FER: variants seen among roughly 807,000 people sequenced by gnomAD.
FER encodes FER tyrosine kinase.
In FER, 63 loss-of-function variants were observed where a neutral mutation model predicts 111.0. The ratio of observed to expected loss-of-function variants is 0.57; its 90% CI spans 0.46 to 0.70. The LOEUF (loss-of-function observed/expected upper bound fraction) is 0.70. FER is among the 30% of genes least tolerant of loss of function. The pLI is 0.00. For synonymous variants in FER, 327 were observed against 313.9 expected (o/e 1.04, Z -0.44); for missense variants, 914 against 954.0 (o/e 0.96, Z 0.55).
intron 16 of FER, among the ~76,000 whole-genome samples, chr5:109,083,745 A>G (rs1777249146): frequency 6.6e-6 from 1 of 152,016 alleles, no homozygotes; most frequent in Non-Finnish European, 1.5e-5. Context: ...CTGAAAGATG[A>G]AATAATGCCT....
chr5:108,842,410 A>G (rs1423812812), intron 5 of FER: 1 of 152,244 alleles, frequency 6.6e-6, no homozygotes, highest in Admixed American at 6.5e-5. Context: ...CTGGGACCTA[A>G]TTAAACTAAA....
intron 13 of FER, among the ~76,000 whole-genome samples, chr5:109,027,894 T>C (rs750302820): frequency 1.3e-5 from 2 of 152,250 alleles, no homozygotes; most frequent in Non-Finnish European, 2.9e-5. Flanking sequence ...GTTATTTTTA[T>C]AGCTTTTGCT....
rs766391437 is a variant in FER, at chr5:109,192,718, G to A, written c.*5143G>A. On this transcript the variant is annotated 3_prime_UTR_variant, in exon 20 of 20. Transcript: ENST00000281092. ...CCTAAATGGGACTACACTTAGATCC[G>A]CCCTATTTCACCTTTGGACTAACGT... The A allele has an allele frequency of 2.0e-5, 3 of 152,054 alleles. No homozygotes were observed. Among genetic ancestry groups the A allele is most frequent in the African/African-American group, 7.2e-5 (3 of 41,394 alleles). The allele number at this position is 152,054 out of a possible 1,614,324, so 9.4% of individuals were successfully genotyped here.
intron 16 of FER, among the ~76,000 whole-genome samples, chr5:109,093,696 A>T (rs533893103): frequency 6.6e-6 from 1 of 152,196 alleles, no homozygotes; most frequent in South Asian, 2.1e-4. Flanking sequence ...GTATTTGTGG[A>T]TGTCATTTTA....
intron 10 of FER, among the ~76,000 whole-genome samples, chr5:108,931,782 A>T (rs959537419): frequency 1.2e-4 from 18 of 152,076 alleles, no homozygotes; most frequent in African/African-American, 4.3e-4. Flanking sequence ...GTGAGCCAAG[A>T]ATGCACCATT....
At chr5:108,889,778 A>G (rs1229203903) in intron 9 of FER, among the ~76,000 whole-genome samples, 1 of 151,996 alleles carries the variant, frequency 6.6e-6, no homozygotes, top group Non-Finnish European at 1.5e-5. Context: ...CATGTACTTC[A>G]TAAATATATA....
intron 13 of FER, among the ~76,000 whole-genome samples, chr5:108,971,463 G>T (rs932488637): frequency 6.6e-6 from 1 of 152,112 alleles, no homozygotes. Context: ...AAAGGAGTTA[G>T]CTAATTTCAT....
chr5:109,035,567 T>C (rs1010823961), intron 13 of FER, among the ~76,000 whole-genome samples: 17 of 152,208 alleles, frequency 1.1e-4, no homozygotes, highest in African/African-American at 3.4e-4. Context: ...TTCTAGTTTT[T>C]GGCTATTACA....
intron 18 of FER, among the ~76,000 whole-genome samples, chr5:109,182,196 T>G (rs1758359038): frequency 6.6e-6 from 1 of 152,226 alleles, no homozygotes; most frequent in Non-Finnish European, 1.5e-5. Context: ...AGAAGTCATA[T>G]GGTAATTTTA....
chr5:108,997,051 T>C (rs530439250), intron 13 of FER, among the ~76,000 whole-genome samples: 1 of 152,240 alleles, frequency 6.6e-6, no homozygotes, highest in East Asian at 1.9e-4. Flanking sequence ...ACTCATGATT[T>C]GGCTCTCTGT....
rs2126916457 is a variant in FER at position 109,194,577 on chromosome 5, AC to A, written c.*7006del. ...AAGAAGACAATAGAAATCCCACTTT[AC>A]CCCACTGTCATCAGTTAGAACACCC... On this transcript the variant is annotated 3_prime_UTR_variant, in exon 20 of 20. Coordinates refer to ENST00000281092, the MANE Select transcript of FER (RefSeq NM_005246.4). 1 of 152,338 alleles carries A rather than the reference AC, an allele frequency of 6.6e-6. No homozygotes were observed. Among genetic ancestry groups the A allele is most frequent in the South Asian group, 2.1e-4 (1 of 4,822 alleles). 9.4% of individuals were successfully genotyped at this position (152,338 alleles called of 1,614,324 possible).
chr5:109,076,967 C>T (rs762847071), intron 16 of FER, among the ~76,000 whole-genome samples: 6 of 152,184 alleles, frequency 3.9e-5, no homozygotes, highest in Non-Finnish European at 5.9e-5. Flanking sequence ...AGAGCCAATA[C>T]ACAGAGCTAA....
chr5:108,915,201 A>G (rs1258177256), intron 10 of FER, among the ~76,000 whole-genome samples: 2 of 152,172 alleles, frequency 1.3e-5, no homozygotes, highest in African/African-American at 4.8e-5. Context: ...GGCCCGGCCC[A>G]GTGGCTCATG....
chr5:109,177,055 T>G (rs1186563896), intron 17 of FER, among the ~76,000 whole-genome samples: 1 of 152,206 alleles, frequency 6.6e-6, no homozygotes, highest in African/African-American at 2.4e-5. Context: ...TTTGGTCACA[T>G]TCTTTTGTGT....
At chr5:108,863,127 T>C (rs1385452247) in intron 5 of FER, among the ~76,000 whole-genome samples, 1 of 152,122 alleles carries the variant, frequency 6.6e-6, no homozygotes, top group Admixed American at 6.5e-5. Context: ...CTGACCTTTT[T>C]TTTTGTTTGT....
chr5:108,993,508 C>T (rs557596507), intron 13 of FER, among the ~76,000 whole-genome samples: 7 of 151,826 alleles, frequency 4.6e-5, no homozygotes, highest in South Asian at 4.2e-4. Context: ...AGCTTCGGCT[C>T]GGCATCAGAG....
At chr5:109,090,332 A>G (rs1311274333) in intron 16 of FER, among the ~76,000 whole-genome samples, 2 of 152,200 alleles carry the variant, frequency 1.3e-5, no homozygotes, top group African/African-American at 4.8e-5. Context: ...CCAAATATCT[A>G]GCTGGACTAA....
At chr5:108,991,276 A>G (rs980523759) in intron 13 of FER, among the ~76,000 whole-genome samples, 2 of 152,012 alleles carry the variant, frequency 1.3e-5, no homozygotes, top group African/African-American at 2.4e-5. Flanking sequence ...GGATAATGCA[A>G]TTAATTGAAT....
intron 13 of FER, among the ~76,000 whole-genome samples, chr5:109,024,478 G>A (rs964956572): frequency 2.0e-5 from 3 of 152,118 alleles, no homozygotes; most frequent in South Asian, 2.1e-4. Context: ...TCAACTCACA[G>A]GCAGGTCTCC....
Sources: allele counts gnomAD v4.1 joint callset (sites outside exome capture counted in the v4.1 genomes callset), GRCh38; gene constraint gnomAD v4.1.1; transcripts MANE v1.5; gene names NCBI Gene and HGNC (gene_info 2026-07-23, HGNC 2026-07-21).